The following LRRC74A variants were observed in gnomAD, a reference collection of about 807,000 sequenced individuals.
The protein encoded by LRRC74A is leucine rich repeat containing 74A.
Under a neutral mutation model 57.9 loss-of-function variants are expected in LRRC74A, and 44 were observed. The observed-to-expected ratio is 0.76, with a 90% CI of 0.60 to 0.98. The LOEUF (loss-of-function observed/expected upper bound fraction) is 0.98. Among genes scored for constraint, LRRC74A ranks in the 50% least tolerant of loss-of-function variants. LRRC74A has a pLI of 0.00. For synonymous variants in LRRC74A, 211 were observed against 219.4 expected, an observed-to-expected ratio of 0.96 and a Z score of 0.34; for missense variants, 572 against 574.0, an observed-to-expected ratio of 1.00 and a Z score of 0.04.
chr14:76,829,211 C>G, intron 2 of LRRC74A: 7 of 1,286,924 alleles, frequency 5.4e-6, no homozygotes, highest in Non-Finnish European at 7.1e-6. Flanking sequence ...CACCCTTCCT[C>G]CCCTGCATCC....
intron 5 of LRRC74A, among the ~76,000 whole-genome samples, chr14:76,842,287 C>A (rs1247788952): frequency 6.6e-6 from 1 of 151,996 alleles, no homozygotes. Context: ...GGTGATTATA[C>A]CTGCAAATAA....
Position 76,853,544 on chromosome 14 carries a change from T to C in LRRC74A, c.957+134T>C, listed in dbSNP as rs1595381752. 16 of 851,446 alleles carry C rather than the reference T, an allele frequency of 1.9e-5. No homozygotes were observed. In the East Asian group the frequency reaches 4.4e-4, roughly 23 times the overall value. 52.7% of individuals were successfully genotyped at this position (851,446 alleles called of 1,614,324 possible). On this transcript the variant is annotated intron_variant, in intron 9 of 13. Transcript: ENST00000689127. ...AATATCTGTACTTCATATATGCATG[T>C]ACTTTTTACCATCTCTTGACTGTAA...
chr14:76,864,331 T>C (rs1248765704), intron 11 of LRRC74A, among the ~76,000 whole-genome samples: 1 of 147,442 alleles, frequency 6.8e-6, no homozygotes, highest in African/African-American at 2.5e-5. Flanking sequence ...CCTGAGGAAA[T>C]GCTTCGTGAG....
intron 5 of LRRC74A, among the ~76,000 whole-genome samples, chr14:76,842,467 C>A (rs1368894272): frequency 6.6e-6 from 1 of 152,190 alleles, no homozygotes. Context: ...CAGGAGAAAT[C>A]TTGGAATCTG....
chr14:76,866,192 T>C (rs1898781539), intron 12 of LRRC74A, 117 bp downstream of exon 12: 1 of 777,172 alleles, frequency 1.3e-6, no homozygotes, highest in Admixed American at 2.1e-5. Context: ...TCCTAGAGCT[T>C]CCTGGGACAG....
At chr14:76,840,733 G>A (rs940130863) in intron 5 of LRRC74A, among the ~76,000 whole-genome samples, 21 of 151,736 alleles carry the variant, frequency 1.4e-4, no homozygotes, top group African/African-American at 4.1e-4. Flanking sequence ...ACAGGCGCCC[G>A]CCACCTCGCC....
chr14:76,828,932 C>T, intron 2 of LRRC74A: 1 of 843,092 alleles, frequency 1.2e-6, no homozygotes. Context: ...TTTCTGTGGC[C>T]TATCTTGCAT....
chr14:76,826,524 C>T lies in LRRC74A; in HGVS notation c.-174C>T. 1 of 1,607,270 alleles carries T rather than the reference C, an allele frequency of 6.2e-7. No homozygotes were observed. Among genetic ancestry groups the T allele is most frequent in the Non-Finnish European group, 8.5e-7 (1 of 1,176,904 alleles). On this transcript the variant is annotated 5_prime_UTR_variant, in exon 1 of 14. Transcript: ENST00000689127. The stretch of plus-strand genomic sequence containing the variant: ...CACATCCAATTCCCATCAAAGCCTA[C>T]TCTTCCCAGGGCTTGCTGGGAGGGA...
chr14:76,866,046 G>A lies in LRRC74A; in HGVS notation c.1279G>A (p.Val427Met), dbSNP rs749927887. Residue 427 changes from valine (V) to methionine (M), a missense_variant, in exon 12 of 14, where the codon GTG (valine) becomes ATG (methionine). Coordinates refer to ENST00000689127, the MANE Select transcript of LRRC74A (RefSeq NM_001385106.1). ...LNPTGTMKMS[V>M]DEFQKVMIEQ... ...CCCCACTGGGACAATGAAGATGTCTGTGGATGAGTTCCAGAAAGTGATGAT... is the reference window on the plus strand; with the variant it reads ...CCCCACTGGGACAATGAAGATGTCTATGGATGAGTTCCAGAAAGTGATGAT... 2 of 1,588,444 alleles carry A rather than the reference G, an allele frequency of 1.3e-6. No homozygotes were observed. The highest frequency in any genetic ancestry group is 2.3e-5 in the South Asian group (2 of 88,726).
intron 1 of LRRC74A, 146 bp from the exon 2 acceptor site, chr14:76,828,145 G>C: frequency 1.9e-6 from 2 of 1,058,686 alleles, no homozygotes; most frequent in South Asian, 3.4e-5. Context: ...GGTTTGTAGA[G>C]TGGACTTGCC....
intron 7 of LRRC74A, among the ~76,000 whole-genome samples, chr14:76,848,947 C>T (rs1331297910): frequency 1.3e-5 from 2 of 152,090 alleles, no homozygotes; most frequent in Non-Finnish European, 2.9e-5. Context: ...CTGTCATTGC[C>T]GCTATTTTCT....
chr14:76,853,137 G>A (rs1327545264), intron 8 of LRRC74A, 79 bp from the exon 9 acceptor site: 1 of 1,354,142 alleles, frequency 7.4e-7, no homozygotes, highest in African/African-American at 1.5e-5. Context: ...TGCCAACAGG[G>A]GGTAGAAATC....
chr14:76,843,431 C>T (rs76904530), intron 5 of LRRC74A, among the ~76,000 whole-genome samples: 9 of 152,036 alleles, frequency 5.9e-5, no homozygotes, highest in African/African-American at 1.2e-4. Context: ...AAATTTTGCA[C>T]ACATGGTAAG....
At chr14:76,849,542 C>T (rs1244836299) in intron 7 of LRRC74A, among the ~76,000 whole-genome samples, 1 of 151,930 alleles carries the variant, frequency 6.6e-6, no homozygotes, top group African/African-American at 2.4e-5. Flanking sequence ...TAGATCATGC[C>T]TGTAATCCCA....
chr14:76,854,596 ACT>A (rs1897753302), intron 9 of LRRC74A, among the ~76,000 whole-genome samples: 1 of 151,842 alleles, frequency 6.6e-6, no homozygotes, highest in South Asian at 2.1e-4. Context: ...ACAGAGCAAG[ACT>A]CTGTCTCAAA....
At position 76,841,578 on chromosome 14, in the gene LRRC74A, G is replaced by T. The variant is rs185927695; in HGVS notation, c.545-2845G>T. 2.1e-3 allele frequency among the ~76,000 whole-genome samples: 320 copies of T among 151,988 alleles called. 1 individual carries two copies. Among genetic ancestry groups the T allele is most frequent in the African/African-American group, 7.6e-3 (315 of 41,468 alleles). ...AAAAAAGAAAAAAAACACCTGTTGG[G>T]GTTTTGGTTGGGGTTCCATTTAATA... On this transcript the variant is annotated intron_variant, in intron 5 of 13. Coordinates refer to ENST00000689127, the MANE Select transcript of LRRC74A (RefSeq NM_001385106.1).
rs1363266415 is a variant in LRRC74A, at chr14:76,864,422, G to C, written c.1201-1546G>C. ...GAGAGTGAGAGGAAGGGGGGGGGGG[G>C]GTGGCGGGGGGAAGGGGGGTGGCGG... On this transcript the variant is annotated intron_variant, in intron 11 of 13. Transcript: ENST00000689127. Among the ~76,000 whole-genome samples the C allele has an allele frequency of 2.1e-4, 10 of 48,044 alleles. 1 individual carries two copies. The highest frequency in any genetic ancestry group is 4.2e-4 in the African/African-American group (5 of 11,914). The allele number at this position is 48,044 out of a possible 152,430, so 31.5% of individuals were successfully genotyped here. A position where few individuals can be genotyped will look rare whatever the true frequency, so the allele number is the denominator to read the frequency against.
chr14:76,849,653 AT>A (rs1338642123), intron 7 of LRRC74A, among the ~76,000 whole-genome samples: 1 of 125,704 alleles, frequency 8.0e-6, no homozygotes, highest in African/African-American at 2.7e-5. Flanking sequence ...AATACAAAAA[AT>A]TAGCTGGACG....
chr14:76,867,673 G>T (rs532058939), intron 13 of LRRC74A, among the ~76,000 whole-genome samples: 1 of 152,320 alleles, frequency 6.6e-6, no homozygotes, highest in East Asian at 1.9e-4. Context: ...GGATGCTGGG[G>T]ATGCCAGCGG....
Sources: gnomAD v4.1 joint callset for allele counts (sites outside exome capture counted in the v4.1 genomes callset) on GRCh38, gnomAD v4.1.1 for gene constraint, MANE v1.5 for transcripts, NCBI Gene and HGNC (gene_info 2026-07-23, HGNC 2026-07-21) for gene names.